Variants in OR4K14 observed in about 807,000 individuals in gnomAD.
OR4K14 encodes the protein olfactory receptor 4K14.
For missense variants in OR4K14, 406 were observed against 373.6 expected (o/e 1.09, Z -0.72); for synonymous variants, 153 against 141.5 (o/e 1.08, Z -0.58).
intron 1 of OR4K14, among the ~76,000 whole-genome samples, chr14:20,017,658 C>T (rs184634433): frequency 6.6e-6 from 1 of 151,716 alleles, no homozygotes; most frequent in Non-Finnish European, 1.5e-5. Flanking sequence ...AAAATGGTTA[C>T]TAGACAATGG....
chr14:20,014,522 G>A lies in OR4K14; in HGVS notation c.672C>T (p.Leu224=), dbSNP rs769398204. The A allele has an allele frequency of 3.6e-5, 58 of 1,613,968 alleles. No individual in the cohort carries two copies. The highest frequency in any genetic ancestry group is 4.2e-5 in the Non-Finnish European group (49 of 1,179,986). Residue 224 remains leucine (L), a synonymous_variant, in exon 2 of 2, where the codon CTC becomes CTT. Transcript: ENST00000641793. ...LLLISYTVIL[L]AIRQRAAGST... ...TACCGGCAGCACGCTGTCTGATAGC[G>A]AGGAGGATCACGGTGTAGGAGATCA... is the stretch of plus-strand genomic sequence containing the variant.
In OR4K14 at chr14:20,015,268, A is replaced by G; in HGVS notation, c.-29-46T>C. 3 of 853,296 alleles carry G rather than the reference A, an allele frequency of 3.5e-6. No individual in the cohort carries two copies. In the South Asian group the frequency reaches 5.2e-5, roughly 15 times the overall value. The allele number at this position is 853,296 out of a possible 1,614,324, so 52.9% of individuals were successfully genotyped here. On this transcript the variant is annotated intron_variant, in intron 1 of 1. Transcript: ENST00000641793. ...TGTCATTTGCAGCAACACCTCAAGGACATTGTATTAAGTGAAATAAGCCAG... is the reference window on the plus strand; with the variant it reads ...TGTCATTTGCAGCAACACCTCAAGGGCATTGTATTAAGTGAAATAAGCCAG...
chr14:20,014,426 A>G lies in OR4K14; in HGVS notation c.768T>C (p.Ile256=), dbSNP rs1355120212. The G allele has an allele frequency of 1.2e-6, 2 of 1,614,110 alleles. No individual in the cohort carries two copies. Among genetic ancestry groups the G allele is most frequent in the South Asian group, 2.2e-5 (2 of 91,072 alleles). The change falls in exon 2 of 2, where the codon ATT becomes ATC. Residue 256 remains isoleucine (I), a synonymous_variant. Coordinates refer to ENST00000641793, the MANE Select transcript of OR4K14 (RefSeq NM_001004712.2). The part of the protein sequence containing the change: ...MVVTLFFGPC[I]FVYVRPFSRF... ...TACTGAAAGGCCGCACATAAACAAA[A>G]ATGCAAGGGCCAAAGAACAGCGTCA...
At position 20,014,850 on chromosome 14, in the gene OR4K14, A is replaced by G. The variant is rs370671406; in HGVS notation, c.344T>C (p.Leu115Pro). 2.8e-5 allele frequency: 45 copies of G among 1,614,020 alleles called. No individual in the cohort carries two copies. Among genetic ancestry groups the G allele is most frequent in the African/African-American group, 5.3e-5 (4 of 74,906 alleles). ...TCTGTCATAGGCCATGGAAACCAGG[A>G]GCACCATCTCAGCCCCACCAGTAAA... ...LHFTGGAEMV[L>P]LVSMAYDRYV... Residue 115 changes from leucine (L) to proline (P), a missense_variant, in exon 2 of 2, where the codon CTC (leucine) becomes CCC (proline). Leu to Pro is a moderately conservative substitution (Grantham distance 98). Coordinates refer to ENST00000641793, the MANE Select transcript of OR4K14 (RefSeq NM_001004712.2).
Position 20,014,516 on chromosome 14 carries a change from G to C in OR4K14, c.678C>G (p.Ile226Met). 1 of 1,614,128 alleles carries C rather than the reference G, an allele frequency of 6.2e-7. No homozygotes were observed. The highest frequency in any genetic ancestry group is 8.5e-7 in the Non-Finnish European group (1 of 1,179,990). ...ATGTGCTACCGGCAGCACGCTGTCTGATAGCGAGGAGGATCACGGTGTAGG... is the reference window on the plus strand; with the variant it reads ...ATGTGCTACCGGCAGCACGCTGTCTCATAGCGAGGAGGATCACGGTGTAGG... ...LISYTVILLA[I>M]RQRAAGSTSK... Residue 226 changes from isoleucine (I) to methionine (M), a missense_variant, in exon 2 of 2, where the codon ATC (isoleucine) becomes ATG (methionine). By Grantham distance (10) the Ile-to-Met change is conservative (BLOSUM62 1). Coordinates refer to ENST00000641793, the MANE Select transcript of OR4K14 (RefSeq NM_001004712.2).
Position 20,017,943 on chromosome 14 carries a change from C to G in OR4K14, c.-30+1200G>C, listed in dbSNP as rs184183309. 2.8e-3 allele frequency among the ~76,000 whole-genome samples: 433 copies of G among 152,012 alleles called. 6 individuals carry two copies. The highest frequency in any genetic ancestry group is 0.01 in the African/African-American group (420 of 41,514). ...ATTAGTTTTTTTTATGAGCAATAAA[C>G]TGGAGTCTCACTCTCCTCACTGAGA... On this transcript the variant is annotated intron_variant, in intron 1 of 1. Coordinates refer to ENST00000641793, the MANE Select transcript of OR4K14 (RefSeq NM_001004712.2).
chr14:20,016,616 G>A (rs1009865473), intron 1 of OR4K14, among the ~76,000 whole-genome samples: 5 of 152,096 alleles, frequency 3.3e-5, no homozygotes, highest in Admixed American at 1.3e-4. Context: ...ATTGCAAAAC[G>A]TGGGACTCTT....
intron 1 of OR4K14, among the ~76,000 whole-genome samples, chr14:20,018,584 A>G (rs1188685196): frequency 1.3e-5 from 2 of 151,994 alleles, no homozygotes; most frequent in African/African-American, 4.8e-5. Context: ...TCTAAAACAT[A>G]ATTGTATTTA....
At chr14:20,017,600 A>G (rs1338729363) in intron 1 of OR4K14, among the ~76,000 whole-genome samples, 3 of 152,006 alleles carry the variant, frequency 2.0e-5, no homozygotes, top group Non-Finnish European at 4.4e-5. Context: ...AAAATATTTT[A>G]AATTATTATG....
rs74341536 is a variant in OR4K14 at position 20,014,352 on chromosome 14, G to A, written c.842C>T (p.Pro281Leu). The change falls in exon 2 of 2, where the codon CCA becomes CTA. Residue 281 changes from proline to leucine, a missense_variant. Pro to Leu is a moderately conservative substitution (Grantham distance 98). Transcript: ENST00000641793. ...TGTGTAGATAATGGGGTTCAGGAGT[G>A]GAGTAAAAATGGTATAAAACACAGA... ...LLSVFYTIFT[P>L]LLNPIIYTLR... The A allele has an allele frequency of 3.0e-3, 4,830 of 1,612,170 alleles. 133 individuals carry two copies. In the African/African-American group the frequency reaches 0.056, roughly 19 times the overall value.
In OR4K14 at chr14:20,014,790, G is replaced by A; in HGVS notation, c.404C>T (p.Thr135Ile). 1 of 1,614,130 alleles carries A rather than the reference G, an allele frequency of 6.2e-7. No homozygotes were observed. The highest frequency in any genetic ancestry group is 8.5e-7 in the Non-Finnish European group (1 of 1,180,010). ...VAICKPLHYM[T>I]LMSWQTCIRL... ...GATGCAAGTCTGCCAACTCATCAAA[G>A]TCATGTAATGCAAGGGTTTGCATAT... The change falls in exon 2 of 2, where the codon ACT becomes ATT. Residue 135 changes from threonine to isoleucine, a missense_variant. Thr to Ile is a moderately conservative substitution (Grantham distance 89). Transcript: ENST00000641793.
intron 1 of OR4K14, among the ~76,000 whole-genome samples, chr14:20,016,113 T>C (rs1241265701): frequency 5.9e-5 from 2 of 33,684 alleles, no homozygotes; most frequent in Non-Finnish European, 1.9e-4. Flanking sequence ...TTAAAAATAA[T>C]GTCAACACGT....
At chr14:20,016,652 A>G (rs542235411) in intron 1 of OR4K14, among the ~76,000 whole-genome samples, 1 of 152,152 alleles carries the variant, frequency 6.6e-6, no homozygotes, top group East Asian at 1.9e-4. Flanking sequence ...TTCATCAATA[A>G]CCTGGATATG....
intron 1 of OR4K14, among the ~76,000 whole-genome samples, chr14:20,016,750 C>T (rs954070641): frequency 4.6e-5 from 7 of 151,744 alleles, no homozygotes; most frequent in East Asian, 3.9e-4. Context: ...AAATATGGGC[C>T]GTAATCAGCA....
Position 20,014,905 on chromosome 14 carries a change from C to T in OR4K14, c.289G>A (p.Gly97Arg). Residue 97 changes from glycine to arginine, a missense_variant, in exon 2 of 2, where the codon GGA becomes AGA. Coordinates refer to ENST00000641793, the MANE Select transcript of OR4K14 (RefSeq NM_001004712.2). ...LSDQKLISFG[G>R]CMAQIFFLHF... ...AAGAAGAAGATTTGAGCCATACATCCTCCAAAGGAGATGAGTTTTTGATCA... is the reference window on the plus strand; with the variant it reads ...AAGAAGAAGATTTGAGCCATACATCTTCCAAAGGAGATGAGTTTTTGATCA... 1 of 1,614,156 alleles carries T rather than the reference C, an allele frequency of 6.2e-7. No individual in the cohort carries two copies. Among genetic ancestry groups the T allele is most frequent in the South Asian group, 1.1e-5 (1 of 91,084 alleles).
intron 1 of OR4K14, among the ~76,000 whole-genome samples, chr14:20,018,446 A>C (rs1457518042): frequency 6.6e-6 from 1 of 152,040 alleles, no homozygotes; most frequent in Non-Finnish European, 1.5e-5. Flanking sequence ...ATCACAAAGC[A>C]ATAATTCTTA....
chr14:20,014,691 G>C lies in OR4K14; in HGVS notation c.503C>G (p.Pro168Arg). ...ISQVAFTVNLPYCGPNEVDSF... is the reference protein window; with the variant it reads ...ISQVAFTVNLRYCGPNEVDSF... ...GTCTACCTCATTGGGGCCACAGTAA[G>C]GCAAATTTACAGTGAAAGCCACTTG... is the stretch of plus-strand genomic sequence containing the variant. The change falls in exon 2 of 2, where the codon CCT becomes CGT. Residue 168 changes from proline to arginine, a missense_variant. By Grantham distance (103) the Pro-to-Arg change is moderately radical. Coordinates refer to ENST00000641793, the MANE Select transcript of OR4K14 (RefSeq NM_001004712.2). The C allele has an allele frequency of 6.2e-7, 1 of 1,614,070 alleles. No homozygotes were observed. Among genetic ancestry groups the C allele is most frequent in the Non-Finnish European group, 8.5e-7 (1 of 1,179,986 alleles).
In OR4K14 at chr14:20,014,272, TCA is replaced by T. The variant is rs755283324; in HGVS notation, c.920_921del (p.Val307AspfsTer10). 1.9e-4 allele frequency: 297 copies of T among 1,593,412 alleles called. 3 individuals carry two copies. In the Middle Eastern group the frequency reaches 9.6e-3, roughly 52 times the overall value. ...TGGAAGGCTGGATTTCATTGAAAAGTCACCCGTCGGTTTTGCAGTTTCTTCAT... is the reference window on the plus strand; with the variant it reads ...TGGAAGGCTGGATTTCATTGAAAAGTCCCGTCGGTTTTGCAGTTTCTTCAT... ...AAMKKLQNRR[V>X]TFQ On this transcript the variant is annotated frameshift_variant, in exon 2 of 2. Transcript: ENST00000641793. LOFTEE classifies it high-confidence loss of function.
rs748978037 is a variant in OR4K14, at chr14:20,014,620, C to A, written c.574G>T (p.Asp192Tyr). Reference protein sequence around the residue: ...LPLVIKLACMDTYVLGIIMIS... With the variant: ...LPLVIKLACMYTYVLGIIMIS... Reference sequence around the variant, plus strand: ...ATAATTATACCCAAGACATAGGTGTCCATGCAGGCAAGTTTGATCACCAGA... The same window carrying A: ...ATAATTATACCCAAGACATAGGTGTACATGCAGGCAAGTTTGATCACCAGA... Residue 192 changes from aspartate to tyrosine, a missense_variant, in exon 2 of 2, where the codon GAC becomes TAC. Physicochemically the swap from Asp to Tyr is radical, Grantham distance 160 (BLOSUM62 -3). Transcript: ENST00000641793. 2 of 1,613,812 alleles carry A rather than the reference C, an allele frequency of 1.2e-6. No individual in the cohort carries two copies. The highest frequency in any genetic ancestry group is 1.7e-5 in the Admixed American group (1 of 59,990).
Sources: allele counts gnomAD v4.1 joint callset (sites outside exome capture counted in the v4.1 genomes callset), GRCh38; gene constraint gnomAD v4.1.1; transcripts MANE v1.5; gene names NCBI Gene and HGNC (gene_info 2026-07-23, HGNC 2026-07-21).